ZER1: variants seen among roughly 807,000 people sequenced by gnomAD.
ZER1 encodes protein zer-1 homolog.
Under a neutral mutation model 78.8 loss-of-function variants are expected in ZER1, and 11 were observed. The observed-to-expected ratio is 0.14, with a 90% CI of 0.09 to 0.23. The LOEUF is 0.23. ZER1 is among the 10% of genes least tolerant of loss of function. The probability of loss-of-function intolerance (pLI) is 1.00; values close to 1 mark genes in which losing one functional copy is unlikely to be tolerated. For synonymous variants in ZER1, 400 were observed against 407.0 expected (o/e 0.98, Z 0.21); for missense variants, 588 against 996.9 (o/e 0.59, Z 5.52).
intron 15 of ZER1, 29 bp from the exon 16 acceptor site, chr9:128,731,423 AGGGTGGGCTT>A: frequency 7.2e-6 from 3 of 415,572 alleles, no homozygotes; most frequent in Non-Finnish European, 1.4e-5. Context: ...ACAGGATTGG[AGGGTGGGCTT>A]GGGTGGGGGT....
At chr9:128,742,789 C>T (rs371028406) in intron 8 of ZER1, 44 bp from the exon 9 acceptor site, 2 of 1,551,534 alleles carry the variant, frequency 1.3e-6, no homozygotes, top group South Asian at 1.2e-5. Context: ...CAGGGTCAGA[C>T]TCAGGAGCAG....
intron 14 of ZER1, among the ~76,000 whole-genome samples, chr9:128,735,008 G>C (rs373845330): frequency 6.6e-6 from 1 of 152,078 alleles, no homozygotes; most frequent in East Asian, 1.9e-4. Flanking sequence ...CTCCTGTCTC[G>C]GCCTCCTGAA....
rs375147404 is a variant in ZER1 at position 128,740,913 on chromosome 9, G to A, written c.1738-26C>T. Reference sequence around the variant, plus strand: ...CTGGGAAAAGGAGAGCCAATGGGCCGCATCAATTAGTACTTAATGACTTAG... The same window carrying A: ...CTGGGAAAAGGAGAGCCAATGGGCCACATCAATTAGTACTTAATGACTTAG... On this transcript the variant is annotated intron_variant, in intron 11 of 15. Transcript: ENST00000291900. This position sits in a 1 kb window ranked among gnomAD's most constrained non-coding sequence, Gnocchi z 4.4. 2.5e-4 allele frequency: 196 copies of A among 778,938 alleles called. No individual in the cohort carries two copies. In the African/African-American group the frequency reaches 2.7e-3, roughly 11 times the overall value. 48.3% of individuals were successfully genotyped at this position (778,938 alleles called of 1,614,324 possible).
rs1862848044 is a variant in ZER1, at chr9:128,732,108, G to A, written c.2244-714C>T. 6.6e-6 allele frequency among the ~76,000 whole-genome samples: 1 copy of A among 152,250 alleles called. No individual in the cohort carries two copies. The highest frequency in any genetic ancestry group is 2.1e-4 in the South Asian group (1 of 4,838). On this transcript the variant is annotated intron_variant, in intron 15 of 15. Coordinates refer to ENST00000291900, the MANE Select transcript of ZER1 (RefSeq NM_006336.4). This position sits in a 1 kb window ranked among gnomAD's most constrained non-coding sequence, Gnocchi z 4.8. The stretch of plus-strand genomic sequence containing the variant: ...AACAAATACCCAGAGTGGGAGAGAG[G>A]TCAGTGGACAGGCCGAGGGCCTTCT...
chr9:128,752,458 C>A (rs1341130721), intron 5 of ZER1, among the ~76,000 whole-genome samples: 1 of 152,136 alleles, frequency 6.6e-6, no homozygotes, highest in African/African-American at 2.4e-5. Flanking sequence ...GTAGCTGGGA[C>A]TACAGGTGTC....
At position 128,744,512 on chromosome 9, in the gene ZER1, C is replaced by G. The variant is rs1280808331; in HGVS notation, c.1360-1767G>C. 2.3e-4 allele frequency among the ~76,000 whole-genome samples: 32 copies of G among 140,428 alleles called. No individual in the cohort carries two copies. The Admixed American group carries it at 2.4e-3, about 10-fold the overall frequency. The allele number at this position is 140,428 out of a possible 152,430, so 92.1% of individuals were successfully genotyped here. A position where few individuals can be genotyped will look rare whatever the true frequency, so the allele number is the denominator to read the frequency against. ...TTTTTTTTTTGGATGGAGTTTCACT[C>G]TTGTTGCCAAGGCTGGAATGCAATG... On this transcript the variant is annotated intron_variant, in intron 8 of 15. Coordinates refer to ENST00000291900, the MANE Select transcript of ZER1 (RefSeq NM_006336.4).
chr9:128,761,893 C>T (rs1165082028), intron 1 of ZER1, among the ~76,000 whole-genome samples: 3 of 152,128 alleles, frequency 2.0e-5, no homozygotes, highest in East Asian at 1.9e-4. Context: ...CGTGAGCCAC[C>T]GCGCCCGGCT....
chr9:128,733,904 C>T (rs1474514971), intron 14 of ZER1, among the ~76,000 whole-genome samples: 2 of 138,952 alleles, frequency 1.4e-5, no homozygotes, highest in African/African-American at 5.2e-5. Context: ...CCGAGACGGG[C>T]GGATCACGAG....
At chr9:128,756,341 G>C (rs1863858716) in intron 1 of ZER1, among the ~76,000 whole-genome samples, 1 of 152,180 alleles carries the variant, frequency 6.6e-6, no homozygotes, top group East Asian at 1.9e-4. Flanking sequence ...AGCTACTCGG[G>C]AGGCTGAGGC....
At chr9:128,766,661 C>A (rs1027900928) in intron 1 of ZER1, among the ~76,000 whole-genome samples, 1 of 151,928 alleles carries the variant, frequency 6.6e-6, no homozygotes, top group Non-Finnish European at 1.5e-5. Context: ...GCCTGGCCAA[C>A]ATGGTGAAAC....
Position 128,753,055 on chromosome 9 carries a change from C to T in ZER1, c.746+109G>A. 1.6e-6 allele frequency: 2 copies of T among 1,270,702 alleles called. No individual in the cohort carries two copies. Among genetic ancestry groups the T allele is most frequent in the Non-Finnish European group, 2.1e-6 (2 of 943,676 alleles). 78.7% of individuals were successfully genotyped at this position (1,270,702 alleles called of 1,614,324 possible). A position where few individuals can be genotyped will look rare whatever the true frequency, so the allele number is the denominator to read the frequency against. ...GGGACTGTGTCTTCATCCCCACCCT[C>T]TGCCTAGCCAAGCGCTCCTGAACCC... On this transcript the variant is annotated intron_variant, in intron 4 of 15. Transcript: ENST00000291900. The surrounding 1 kb of genome is among the most constrained non-coding windows in gnomAD (Gnocchi z 7.5).
chr9:128,750,477 A>G (rs1863638241), intron 8 of ZER1, 139 bp downstream of exon 8: 1 of 1,014,066 alleles, frequency 9.9e-7, no homozygotes. Context: ...GCCAGGTCCC[A>G]AGAGTCAGGG....
In ZER1 at chr9:128,751,485, C is replaced by T. The variant is rs1350038382; in HGVS notation, c.966G>A (p.Leu322=). ...SKSSIIPFRA[L]KRPLQFLGLF... ...GCCCGAGGAACTGCAGCGGCCTCTT[C>T]AGAGCCCGGAAAGGTATGATGCTGC... The change falls in exon 6 of 16, where the codon CTG becomes CTA. Residue 322 remains leucine (L), a synonymous_variant. Transcript: ENST00000291900. This position sits in a 1 kb window ranked among gnomAD's most constrained non-coding sequence, Gnocchi z 5.4. 2.5e-6 allele frequency: 4 copies of T among 1,614,078 alleles called. No homozygotes were observed. The highest frequency in any genetic ancestry group is 3.4e-6 in the Non-Finnish European group (4 of 1,180,024).
intron 8 of ZER1, among the ~76,000 whole-genome samples, chr9:128,749,327 G>A (rs572298683): frequency 6.6e-6 from 1 of 151,672 alleles, no homozygotes; most frequent in African/African-American, 2.4e-5. Flanking sequence ...ACTCCATCTC[G>A]AAAAAATAAA....
chr9:128,766,761 G>A (rs1222612936), intron 1 of ZER1, among the ~76,000 whole-genome samples: 6 of 138,498 alleles, frequency 4.3e-5, no homozygotes, highest in East Asian at 2.3e-4. Flanking sequence ...CAGGAGAATC[G>A]CTTGAACCTA....
chr9:128,731,452 CCCCT>C (rs1448681462), intron 15 of ZER1, 58 bp from the exon 16 acceptor site: 45 of 1,360,894 alleles, frequency 3.3e-5, no homozygotes, highest in African/African-American at 5.7e-5. Flanking sequence ...GTGAGCCCAG[CCCCT>C]CCGAGATCAT....
chr9:128,751,674 C>A lies in ZER1; in HGVS notation c.924-147G>T. The stretch of plus-strand genomic sequence containing the variant: ...TCCTTTTGTTTTTAATGGTAGGGGA[C>A]ATAAGCACCACCTCCTGATGGAAGC... On this transcript the variant is annotated intron_variant, in intron 5 of 15. Transcript: ENST00000291900. This position sits in a 1 kb window ranked among gnomAD's most constrained non-coding sequence, Gnocchi z 5.4. The A allele has an allele frequency of 1.5e-6, 1 of 658,324 alleles. No individual in the cohort carries two copies. The highest frequency in any genetic ancestry group is 2.6e-6 in the Non-Finnish European group (1 of 379,764). 40.8% of individuals were successfully genotyped at this position (658,324 alleles called of 1,614,324 possible). A position where few individuals can be genotyped will look rare whatever the true frequency, so the allele number is the denominator to read the frequency against.
chr9:128,756,214 G>A lies in ZER1; in HGVS notation c.-94-555C>T, dbSNP rs577232613. 9.8e-5 allele frequency among the ~76,000 whole-genome samples: 15 copies of A among 152,340 alleles called. No homozygotes were observed. The East Asian group carries it at 1.5e-3, about 16-fold the overall frequency. Reference sequence around the variant, plus strand: ...TGTAATCCCAGAACTTTGAGAGGCCGAGGTGGGCGGATCACAAGGTCAGGA... The same window carrying A: ...TGTAATCCCAGAACTTTGAGAGGCCAAGGTGGGCGGATCACAAGGTCAGGA... On this transcript the variant is annotated intron_variant, in intron 1 of 15. Coordinates refer to ENST00000291900, the MANE Select transcript of ZER1 (RefSeq NM_006336.4).
intron 8 of ZER1, among the ~76,000 whole-genome samples, chr9:128,744,780 GC>G (rs1863429853): frequency 6.6e-6 from 1 of 152,102 alleles, no homozygotes; most frequent in African/African-American, 2.4e-5. Flanking sequence ...TGCCTGGCTG[GC>G]CCCCGCTTTT....
Sources: allele counts gnomAD v4.1 joint callset (sites outside exome capture counted in the v4.1 genomes callset), GRCh38; gene constraint gnomAD v4.1.1; non-coding constraint Gnocchi (gnomAD v3.1); transcripts MANE v1.5; gene names NCBI Gene and HGNC (gene_info 2026-07-23, HGNC 2026-07-21).